The following MLLT3 variants were observed in gnomAD, a reference collection of about 807,000 sequenced individuals.
The protein encoded by MLLT3 is MLLT3 super elongation complex subunit.
In MLLT3, 4 loss-of-function variants were observed where a neutral mutation model predicts 53.2. The observed-to-expected ratio is 0.08, with a 90% confidence interval of 0.04 to 0.17. The LOEUF is 0.17. MLLT3 is among the 10% of genes least tolerant of loss of function. MLLT3 has a pLI of 1.00. For missense variants in MLLT3, 569 were observed against 684.0 expected, an observed-to-expected ratio of 0.83 and a Z score of 1.87; for synonymous variants, 283 against 230.6, an observed-to-expected ratio of 1.23 and a Z score of -2.06.
chr9:20,566,408 C>T (rs986953986), intron 2 of MLLT3, among the ~76,000 whole-genome samples: 8 of 152,096 alleles, frequency 5.3e-5, no homozygotes, highest in Non-Finnish European at 1.0e-4. Context: ...GAACAATACA[C>T]GCTTAGGACA....
chr9:20,558,493 C>G (rs1052525731), intron 2 of MLLT3, among the ~76,000 whole-genome samples: 2 of 152,136 alleles, frequency 1.3e-5, no homozygotes, highest in Admixed American at 1.3e-4. Flanking sequence ...TTGCAATAAA[C>G]CTAAACCTCA....
intron 5 of MLLT3, among the ~76,000 whole-genome samples, chr9:20,384,851 C>T (rs1563945242): frequency 6.6e-6 from 1 of 152,032 alleles, no homozygotes; most frequent in Non-Finnish European, 1.5e-5. Flanking sequence ...TCTGCCAAAC[C>T]AAATTTGACT....
rs1056749431 is a variant in MLLT3, at chr9:20,501,420, T to A, written c.194-44634A>T. Among the ~76,000 whole-genome samples, 11 of 152,162 alleles carry A rather than the reference T, an allele frequency of 7.2e-5. No individual in the cohort carries two copies. The South Asian group carries it at 2.3e-3, about 32-fold the overall frequency. On this transcript the variant is annotated intron_variant, in intron 2 of 10. Transcript: ENST00000380338. The stretch of plus-strand genomic sequence containing the variant: ...ACAACCATGATTATTACTTACAATA[T>A]CCAAAGGAGCCCTCATTAAGACCTA...
rs1319534989 is a variant in MLLT3 at position 20,343,011 on chromosome 9, C to T, written c.*3432G>A. On this transcript the variant is annotated 3_prime_UTR_variant, in exon 11 of 11. Transcript: ENST00000380338. Reference sequence around the variant, plus strand: ...GACACTGACTGTTTCCAACACTGGACATCCAACTCCATTAAGTAGGCAAAG... The same window carrying T: ...GACACTGACTGTTTCCAACACTGGATATCCAACTCCATTAAGTAGGCAAAG... The T allele has an allele frequency of 1.1e-5, 2 of 189,020 alleles. No homozygotes were observed. Among genetic ancestry groups the T allele is most frequent in the Admixed American group, 6.2e-5 (1 of 16,070 alleles). 11.7% of individuals were successfully genotyped at this position (189,020 alleles called of 1,614,324 possible).
intron 2 of MLLT3, among the ~76,000 whole-genome samples, chr9:20,618,750 G>A (rs1241981569): frequency 6.6e-6 from 1 of 152,106 alleles, no homozygotes; most frequent in Non-Finnish European, 1.5e-5. Context: ...CCTCAGGGCA[G>A]ACAGAAAATC....
intron 2 of MLLT3, among the ~76,000 whole-genome samples, chr9:20,469,618 G>A (rs937554885): frequency 3.3e-5 from 5 of 150,734 alleles, no homozygotes; most frequent in Non-Finnish European, 5.9e-5. Flanking sequence ...AAGTCAAAGA[G>A]AAGAACACAA....
intron 2 of MLLT3, among the ~76,000 whole-genome samples, chr9:20,537,941 G>T (rs111527529): frequency 6.6e-6 from 1 of 152,078 alleles, no homozygotes; most frequent in Non-Finnish European, 1.5e-5. Context: ...GAAGACAAAT[G>T]ATAAACTACA....
chr9:20,611,540 A>C (rs1820702757), intron 2 of MLLT3, among the ~76,000 whole-genome samples: 1 of 152,126 alleles, frequency 6.6e-6, no homozygotes, highest in South Asian at 2.1e-4. Context: ...GAAAAAAATT[A>C]ACTTGGCTTT....
At chr9:20,408,445 C>G (rs961127423) in intron 5 of MLLT3, among the ~76,000 whole-genome samples, 2 of 151,996 alleles carry the variant, frequency 1.3e-5, no homozygotes, top group African/African-American at 4.8e-5. Flanking sequence ...ATGCACCCAA[C>G]AAAGTTAACT....
Position 20,535,291 on chromosome 9 carries a change from A to G in MLLT3, c.194-78505T>C, listed in dbSNP as rs1818451559. On this transcript the variant is annotated intron_variant, in intron 2 of 10. Coordinates refer to ENST00000380338, the MANE Select transcript of MLLT3 (RefSeq NM_004529.4). Reference sequence around the variant, plus strand: ...TTAATCTGATGATTTGAGGTGGAACAGTTTCATCCCGAAACCATCCCCCCA... The same window carrying G: ...TTAATCTGATGATTTGAGGTGGAACGGTTTCATCCCGAAACCATCCCCCCA... Among the ~76,000 whole-genome samples, 13 of 152,350 alleles carry G rather than the reference A, an allele frequency of 8.5e-5. 1 individual carries two copies. The South Asian group carries it at 2.7e-3, about 32-fold the overall frequency.
At chr9:20,440,952 T>C (rs569335477) in intron 4 of MLLT3, among the ~76,000 whole-genome samples, 56 of 152,150 alleles carry the variant, frequency 3.7e-4, no homozygotes, top group Non-Finnish European at 7.1e-4. Flanking sequence ...GTTTCGTACA[T>C]ACAGTCAGCT....
At chr9:20,348,044 A>G (rs1026043708) in intron 10 of MLLT3, among the ~76,000 whole-genome samples, 45 of 152,300 alleles carry the variant, frequency 3.0e-4, no homozygotes, top group African/African-American at 1.0e-3. Flanking sequence ...TCACAGAAGC[A>G]TGACATATTA....
At chr9:20,446,582 T>C (rs1823707397) in intron 4 of MLLT3, among the ~76,000 whole-genome samples, 1 of 152,084 alleles carries the variant, frequency 6.6e-6, no homozygotes, top group African/African-American at 2.4e-5. Context: ...TAATTTGCAC[T>C]CTCCAATTTA....
intron 2 of MLLT3, among the ~76,000 whole-genome samples, chr9:20,500,762 T>C (rs1825202676): frequency 6.6e-6 from 1 of 152,210 alleles, no homozygotes; most frequent in African/African-American, 2.4e-5. Context: ...GTCCTCCAGG[T>C]GTTCTGTGTT....
At chr9:20,489,395 C>T (rs1217692010) in intron 2 of MLLT3, among the ~76,000 whole-genome samples, 1 of 152,122 alleles carries the variant, frequency 6.6e-6, no homozygotes, top group Non-Finnish European at 1.5e-5. Context: ...TCTTTCTTGG[C>T]AGGTCTCTAA....
chr9:20,471,057 G>A lies in MLLT3; in HGVS notation c.194-14271C>T, dbSNP rs1824378744. Among the ~76,000 whole-genome samples, 2 of 151,894 alleles carry A rather than the reference G, an allele frequency of 1.3e-5. 1 individual carries two copies. ...ATAAATCTATAACATAAGGAAATAAGTAGCTCAAGAGCTCTGCCAGCCACC... is the reference window on the plus strand; with the variant it reads ...ATAAATCTATAACATAAGGAAATAAATAGCTCAAGAGCTCTGCCAGCCACC... On this transcript the variant is annotated intron_variant, in intron 2 of 10. Transcript: ENST00000380338.
intron 8 of MLLT3, among the ~76,000 whole-genome samples, chr9:20,357,965 TCTCC>T (rs894059895): frequency 5.0e-5 from 7 of 139,830 alleles, no homozygotes; most frequent in East Asian, 2.1e-4. Context: ...CCCCTACTTT[TCTCC>T]CTCCCTCCTG....
intron 2 of MLLT3, among the ~76,000 whole-genome samples, chr9:20,542,700 G>C (rs1318059768): frequency 6.6e-6 from 1 of 152,134 alleles, no homozygotes; most frequent in East Asian, 1.9e-4. Context: ...TAATTCTTAA[G>C]GAACCTAGGA....
chr9:20,621,854 G>A lies in MLLT3; in HGVS notation c.12+391C>T, dbSNP rs992003944. On this transcript the variant is annotated intron_variant, in intron 1 of 10. Transcript: ENST00000380338. The surrounding 1 kb of genome is among the most constrained non-coding windows in gnomAD (Gnocchi z 7.0). ...TCCCCGGACTGTGCCCGCAGCTCCC[G>A]GCGGCGGCGGCTGAAATATGGCTGA... The A allele has an allele frequency of 7.0e-5, 96 of 1,371,704 alleles. No homozygotes were observed. The highest frequency in any genetic ancestry group is 8.8e-5 in the Non-Finnish European group (94 of 1,070,432). The allele number at this position is 1,371,704 out of a possible 1,614,324, so 85.0% of individuals were successfully genotyped here. A position where few individuals can be genotyped will look rare whatever the true frequency, so the allele number is the denominator to read the frequency against.
Sources: allele counts gnomAD v4.1 joint callset (sites outside exome capture counted in the v4.1 genomes callset), GRCh38; gene constraint gnomAD v4.1.1; non-coding constraint Gnocchi (gnomAD v3.1); transcripts MANE v1.5; gene names NCBI Gene and HGNC (gene_info 2026-07-23, HGNC 2026-07-21).